Variants in TRIM40 observed in about 807,000 individuals in gnomAD.
The protein encoded by TRIM40 is tripartite motif containing 40, also known as E3 ubiquitin ligase TRIM40.
TRIM40 carries 27 observed loss-of-function variants against 26.1 expected under a neutral mutation model. The ratio of observed to expected loss-of-function variants is 1.04; its 90% confidence interval spans 0.76 to 1.43. The LOEUF is 1.43. Among genes scored for constraint, TRIM40 ranks in the 40% most tolerant of loss-of-function variants. The probability of loss-of-function intolerance (pLI) is 0.00; values close to 1 mark genes in which losing one functional copy is unlikely to be tolerated. For missense variants in TRIM40, 289 were observed against 307.9 expected (o/e 0.94, Z 0.46); for synonymous variants, 114 against 120.0 (o/e 0.95, Z 0.33).
chr6:30,139,331 TTTTTTTTC>T (rs1460492952), intron 2 of TRIM40, among the ~76,000 whole-genome samples: 5 of 89,472 alleles, frequency 5.6e-5, no homozygotes, highest in African/African-American at 1.8e-4. Context: ...GAACTGTAAC[TTTTTTTTC>T]TTTTTTTTTT....
chr6:30,142,408 C>T (rs1426757527), intron 2 of TRIM40, among the ~76,000 whole-genome samples: 1 of 152,164 alleles, frequency 6.6e-6, no homozygotes, highest in Non-Finnish European at 1.5e-5. Context: ...CATGAAGACT[C>T]GCTGTCTGCA....
Position 30,148,055 on chromosome 6 carries a change from G to C in TRIM40, c.*243G>C. The C allele has an allele frequency of 1.7e-6, 1 of 578,068 alleles. No individual in the cohort carries two copies. Among genetic ancestry groups the C allele is most frequent in the African/African-American group, 1.9e-5 (1 of 53,718 alleles). 35.8% of individuals were successfully genotyped at this position (578,068 alleles called of 1,614,324 possible). A position where few individuals can be genotyped will look rare whatever the true frequency, so the allele number is the denominator to read the frequency against. ...TTGGGGCTGCCACTGTGGAGGTCGG[G>C]GCCCATGGTCTCCAGGAGCATTTGT... On this transcript the variant is annotated 3_prime_UTR_variant, in exon 6 of 6. Transcript: ENST00000396581.
chr6:30,140,894 G>A (rs1381932549), intron 2 of TRIM40, among the ~76,000 whole-genome samples: 2 of 152,112 alleles, frequency 1.3e-5, no homozygotes, highest in African/African-American at 2.4e-5. Context: ...CATCAAAATA[G>A]GATCTTACAT....
chr6:30,142,050 G>T (rs1026737539), intron 2 of TRIM40, among the ~76,000 whole-genome samples: 1 of 152,044 alleles, frequency 6.6e-6, no homozygotes, highest in Non-Finnish European at 1.5e-5. Flanking sequence ...TATAATGGTG[G>T]ACCTTATGTG....
intron 3 of TRIM40, among the ~76,000 whole-genome samples, chr6:30,146,664 G>A (rs1462123242): frequency 6.6e-6 from 1 of 152,098 alleles, no homozygotes; most frequent in Non-Finnish European, 1.5e-5. Flanking sequence ...GCCCGCCTTG[G>A]CCTCCCAAAG....
chr6:30,147,112 C>T lies in TRIM40; in HGVS notation c.569C>T (p.Ala190Val), dbSNP rs764861692. The change falls in exon 4 of 6, where the codon GCC (alanine) becomes GTC (valine). Residue 190 changes from alanine (A) to valine (V), a missense_variant. By Grantham distance (64) the Ala-to-Val change is moderately conservative (BLOSUM62 0). Transcript: ENST00000396581. ...CTGGAGCACATGCCAGCAGAAGCGGCCAGAATCCTTGACATCTCCAGGGCA... is the reference window on the plus strand; with the variant it reads ...CTGGAGCACATGCCAGCAGAAGCGGTCAGAATCCTTGACATCTCCAGGGCA... ...GQLEHMPAEA[A>V]RILDISRAVT... 78 of 1,614,194 alleles carry T rather than the reference C, an allele frequency of 4.8e-5. 2 individuals carry two copies. The South Asian group carries it at 8.1e-4, about 17-fold the overall frequency.
rs1184508740 is a variant in TRIM40, at chr6:30,147,140, AAC to A, written c.601_602del (p.Gln201AlafsTer7). On this transcript the variant is annotated frameshift_variant, in exon 4 of 6. Transcript: ENST00000396581. LOFTEE classifies it high-confidence loss of function. ...GAATCCTTGACATCTCCAGGGCAGT[AAC>A]ACAGCTCAGAAGCCTGGTCATTGAT... is the stretch of plus-strand genomic sequence containing the variant. The part of the protein sequence containing the change: ...ARILDISRAV[T>X]QLRSLVIDLE... The A allele has an allele frequency of 6.2e-7, 1 of 1,614,246 alleles. No homozygotes were observed. Among genetic ancestry groups the A allele is most frequent in the Admixed American group, 1.7e-5 (1 of 60,030 alleles).
rs979646438 is a variant in TRIM40, at chr6:30,136,979, A to T, written c.-58A>T. Reference sequence around the variant, plus strand: ...ACTGTTGAGGGCAACAGGCCTTCCGAAGACCAGTGAAGAAGGAGGCCCTGC... The same window carrying T: ...ACTGTTGAGGGCAACAGGCCTTCCGTAGACCAGTGAAGAAGGAGGCCCTGC... On this transcript the variant is annotated 5_prime_UTR_variant, in exon 2 of 6. Coordinates refer to ENST00000396581, the MANE Select transcript of TRIM40 (RefSeq NM_001286633.2). 4.5e-6 allele frequency: 7 copies of T among 1,550,402 alleles called. No individual in the cohort carries two copies. Among genetic ancestry groups the T allele is most frequent in the Admixed American group, 1.8e-5 (1 of 56,322 alleles).
rs1434326348 is a variant in TRIM40 at position 30,140,756 on chromosome 6, A to G, written c.345+3375A>G. 8.5e-5 allele frequency among the ~76,000 whole-genome samples: 13 copies of G among 152,328 alleles called. No homozygotes were observed. The South Asian group carries it at 2.5e-3, about 29-fold the overall frequency. On this transcript the variant is annotated intron_variant, in intron 2 of 5. Transcript: ENST00000396581. ...TGGGTTGAAGGAAGGAGGAAGGTCAAAGATGACTTCATGAGTTTCTGGTTT... is the reference window on the plus strand; with the variant it reads ...TGGGTTGAAGGAAGGAGGAAGGTCAGAGATGACTTCATGAGTTTCTGGTTT...
In TRIM40 at chr6:30,146,968, G is replaced by A; in HGVS notation, c.442-17G>A. On this transcript the variant is annotated splice_polypyrimidine_tract_variant and intron_variant, in intron 3 of 5. Transcript: ENST00000396581. ...GAGCCACCTGACACTGAGTCTTAGG[G>A]AGCCCCTTTCCTGTAGTTTCAGGTA... 6.4e-7 allele frequency: 1 copy of A among 1,563,064 alleles called. No homozygotes were observed. Among genetic ancestry groups the A allele is most frequent in the Non-Finnish European group, 8.7e-7 (1 of 1,154,356 alleles).
Position 30,136,849 on chromosome 6 carries a change from C to G in TRIM40, c.-188C>G. 1 of 605,702 alleles carries G rather than the reference C, an allele frequency of 1.7e-6. No individual in the cohort carries two copies. The highest frequency in any genetic ancestry group is 2.9e-6 in the Non-Finnish European group (1 of 344,064). 37.5% of individuals were successfully genotyped at this position (605,702 alleles called of 1,614,324 possible). A position where few individuals can be genotyped will look rare whatever the true frequency, so the allele number is the denominator to read the frequency against. On this transcript the variant is annotated 5_prime_UTR_variant, in exon 2 of 6. Coordinates refer to ENST00000396581, the MANE Select transcript of TRIM40 (RefSeq NM_001286633.2). The stretch of plus-strand genomic sequence containing the variant: ...ATTGTGGTTTGTGTGGTCTATGTCA[C>G]GGCACCCTTGAGGGAGAGTGGGCAA...
At chr6:30,143,607 A>G (rs1771479576) in intron 2 of TRIM40, among the ~76,000 whole-genome samples, 1 of 152,076 alleles carries the variant, frequency 6.6e-6, no homozygotes. Flanking sequence ...ATTCATTTAG[A>G]CAAGACAGGT....
Position 30,137,355 on chromosome 6 carries a change from A to T in TRIM40, c.319A>T (p.Ile107Phe), listed in dbSNP as rs772941628. 1 of 1,612,800 alleles carries T rather than the reference A, an allele frequency of 6.2e-7. No homozygotes were observed. Residue 107 changes from isoleucine to phenylalanine, a missense_variant, in exon 2 of 6, where the codon ATT (isoleucine) becomes TTT (phenylalanine). By Grantham distance (21) the Ile-to-Phe change is conservative. Coordinates refer to ENST00000396581, the MANE Select transcript of TRIM40 (RefSeq NM_001286633.2). The stretch of plus-strand genomic sequence containing the variant: ...ACACATGTCTCATCATGAACTGACC[A>T]TTGAAAATGCCCTCAGCCACTACAA... Reference protein sequence around the residue: ...PEHMSHHELTIENALSHYKER... With the variant: ...PEHMSHHELTFENALSHYKER...
At chr6:30,137,571 T>C (rs879180846) in intron 2 of TRIM40, among the ~76,000 whole-genome samples, 190 bp downstream of exon 2, 1 of 152,218 alleles carries the variant, frequency 6.6e-6, no homozygotes, top group Non-Finnish European at 1.5e-5. Context: ...TTTCCATGCA[T>C]TAATGTGAGT....
At chr6:30,142,497 T>C (rs751792753) in intron 2 of TRIM40, among the ~76,000 whole-genome samples, 11 of 152,234 alleles carry the variant, frequency 7.2e-5, no homozygotes, top group Non-Finnish European at 1.3e-4. Flanking sequence ...GCTCCATTAG[T>C]TGTGTTTGTT....
intron 2 of TRIM40, among the ~76,000 whole-genome samples, chr6:30,140,512 T>C (rs1771281690): frequency 6.6e-6 from 1 of 151,562 alleles, no homozygotes; most frequent in South Asian, 2.1e-4. Context: ...TAAGTGAGAG[T>C]TGAACAATGA....
intron 2 of TRIM40, among the ~76,000 whole-genome samples, chr6:30,141,852 T>C (rs973322591): frequency 2.6e-5 from 4 of 152,158 alleles, no homozygotes; most frequent in East Asian, 3.8e-4. Flanking sequence ...AGAGAAACTA[T>C]GTAGGGTTGG....
At chr6:30,142,824 G>A (rs115955729) in intron 2 of TRIM40, among the ~76,000 whole-genome samples, 3,376 of 150,612 alleles carry the variant, frequency 0.022, 58 homozygotes, top group Middle Eastern at 0.069. Context: ...GTTGTTTCTC[G>A]CTTGACATCA....
intron 2 of TRIM40, among the ~76,000 whole-genome samples, chr6:30,142,946 C>T (rs897254650): frequency 3.3e-5 from 5 of 151,934 alleles, no homozygotes; most frequent in African/African-American, 1.2e-4. Context: ...AATCTAGCAG[C>T]ATTTTTGCCA....
Sources: gnomAD v4.1 joint callset for allele counts (sites outside exome capture counted in the v4.1 genomes callset) on GRCh38, gnomAD v4.1.1 for gene constraint, MANE v1.5 for transcripts, NCBI Gene and HGNC (gene_info 2026-07-23, HGNC 2026-07-21) for gene names.